Variants in GALNT12 observed in about 807,000 individuals in gnomAD.
The protein encoded by GALNT12 is polypeptide N-acetylgalactosaminyltransferase 12.
A neutral mutation model predicts 55.5 loss-of-function variants in GALNT12; 45 were observed. That is an observed-to-expected ratio of 0.81 (90% CI 0.64 to 1.04). The LOEUF (loss-of-function observed/expected upper bound fraction) is 1.04, where lower values mean the gene tolerates loss of function less well. Ranked by LOEUF, GALNT12 falls within the 50% of genes least tolerant of loss-of-function variation. GALNT12 has a pLI of 0.00. For synonymous variants in GALNT12, 304 were observed against 312.2 expected, an observed-to-expected ratio of 0.97 and a Z score of 0.28; for missense variants, 709 against 754.8, an observed-to-expected ratio of 0.94 and a Z score of 0.71.
intron 2 of GALNT12, among the ~76,000 whole-genome samples, chr9:98,825,650 A>G (rs964250963): frequency 3.3e-5 from 5 of 152,358 alleles, no homozygotes; most frequent in African/African-American, 1.2e-4. Flanking sequence ...TATTCCTGCC[A>G]TCAACTTATT....
chr9:98,813,616 G>C (rs1835544347), intron 1 of GALNT12, among the ~76,000 whole-genome samples: 2 of 151,828 alleles, frequency 1.3e-5, no homozygotes, highest in Admixed American at 6.6e-5. Flanking sequence ...TTCTGCCTCA[G>C]CTTCTCCCTA....
chr9:98,832,715 G>A (rs1836031320), intron 4 of GALNT12, among the ~76,000 whole-genome samples: 1 of 152,108 alleles, frequency 6.6e-6, no homozygotes, highest in Non-Finnish European at 1.5e-5. Context: ...GGCGCCCCAT[G>A]TGAGTGGAAT....
chr9:98,831,802 C>T lies in GALNT12; in HGVS notation c.762C>T (p.Cys254=), dbSNP rs1588449831. 3 of 1,614,034 alleles carry T rather than the reference C, an allele frequency of 1.9e-6. No homozygotes were observed. The highest frequency in any genetic ancestry group is 4.5e-5 in the East Asian group (2 of 44,894). The change falls in exon 4 of 10, where the codon TGC becomes TGT. Residue 254 remains cysteine, a synonymous_variant. Transcript: ENST00000375011. ...RIHEEESAVV[C]PVIDVIDWNT... is the part of the protein sequence containing the mutation. ...ATGAAGAGGAGTCGGCAGTGGTGTG[C>T]CCGGTGATTGATGTGATCGACTGGA... is the stretch of plus-strand genomic sequence containing the variant.
rs943974125 is a variant in GALNT12, at chr9:98,849,546, G to A, written c.*454G>A. 8 of 463,656 alleles carry A rather than the reference G, an allele frequency of 1.7e-5. No homozygotes were observed. The highest frequency in any genetic ancestry group is 7.6e-5 in the Admixed American group (2 of 26,382). The allele number at this position is 463,656 out of a possible 1,614,324, so 28.7% of individuals were successfully genotyped here. The stretch of plus-strand genomic sequence containing the variant: ...CATTAACTGATAATACCTCAGCTGC[G>A]GGGTTAAAGTTTTCCCAGTATAGAG... On this transcript the variant is annotated 3_prime_UTR_variant, in exon 10 of 10. Coordinates refer to ENST00000375011, the MANE Select transcript of GALNT12 (RefSeq NM_024642.5).
At chr9:98,838,125 G>C (rs1280037481) in intron 6 of GALNT12, among the ~76,000 whole-genome samples, 1 of 152,154 alleles carries the variant, frequency 6.6e-6, no homozygotes, top group Non-Finnish European at 1.5e-5. Flanking sequence ...CGCCTTATTA[G>C]TTAGGGGTCT....
chr9:98,849,122 G>A lies in GALNT12; in HGVS notation c.*30G>A. 1 of 1,613,138 alleles carries A rather than the reference G, an allele frequency of 6.2e-7. No individual in the cohort carries two copies. Among genetic ancestry groups the A allele is most frequent in the South Asian group, 1.1e-5 (1 of 91,048 alleles). The stretch of plus-strand genomic sequence containing the variant: ...TCGTGTATCAAGGAGCCCATCGAAG[G>A]AGACTGTGGAGCCAGGACTCTGCCC... On this transcript the variant is annotated 3_prime_UTR_variant, in exon 10 of 10. Transcript: ENST00000375011.
intron 1 of GALNT12, among the ~76,000 whole-genome samples, chr9:98,813,875 T>C (rs1370368118): frequency 6.6e-6 from 1 of 152,182 alleles, no homozygotes; most frequent in Non-Finnish European, 1.5e-5. Flanking sequence ...CTAGACATCT[T>C]AGTCTTCCAT....
intron 1 of GALNT12, among the ~76,000 whole-genome samples, chr9:98,813,431 GT>G (rs1160396981): frequency 6.6e-6 from 1 of 151,668 alleles, no homozygotes; most frequent in African/African-American, 2.4e-5. Context: ...CTAGATTAGT[GT>G]TTTCTTGTTG....
chr9:98,807,932 G>A lies in GALNT12; in HGVS notation c.234G>A (p.Arg78=). 14 of 1,333,252 alleles carry A rather than the reference G, an allele frequency of 1.1e-5. No individual in the cohort carries two copies. The highest frequency in any genetic ancestry group is 1.4e-5 in the Non-Finnish European group (14 of 1,031,136). The allele number at this position is 1,333,252 out of a possible 1,614,324, so 82.6% of individuals were successfully genotyped here. Residue 78 remains arginine, a synonymous_variant, in exon 1 of 10, where the codon CGG becomes CGA. Coordinates refer to ENST00000375011, the MANE Select transcript of GALNT12 (RefSeq NM_024642.5). ...TGCCGGCGAACGCGCTGGGCGCGCG[G>A]GGCGAGGCGGTGCGGCTGCAGCTGC... is the stretch of plus-strand genomic sequence containing the variant. ...PPVPANALGA[R]GEAVRLQLQG...
At chr9:98,835,153 A>G (rs1261333911) in intron 4 of GALNT12, 96 bp from the exon 5 acceptor site, 1 of 871,322 alleles carries the variant, frequency 1.1e-6, no homozygotes, top group Admixed American at 1.7e-5. Flanking sequence ...GAGATGACAG[A>G]TGAACAGATG....
chr9:98,843,574 G>A (rs1300879099), intron 7 of GALNT12, among the ~76,000 whole-genome samples: 1 of 151,944 alleles, frequency 6.6e-6, no homozygotes, highest in African/African-American at 2.4e-5. Context: ...ACCTGGCTAA[G>A]TTTTGTATTT....
intron 3 of GALNT12, among the ~76,000 whole-genome samples, chr9:98,827,305 C>T (rs1835880437): frequency 6.7e-6 from 1 of 149,692 alleles, no homozygotes; most frequent in African/African-American, 2.5e-5. Flanking sequence ...GATTCTCCTC[C>T]TCACTCCTCC....
At chr9:98,833,179 C>T (rs1469741066) in intron 4 of GALNT12, among the ~76,000 whole-genome samples, 2 of 152,084 alleles carry the variant, frequency 1.3e-5, no homozygotes, top group Non-Finnish European at 2.9e-5. Context: ...CTTCTTCCTC[C>T]CCTTCCAAGT....
Position 98,844,106 on chromosome 9 carries a change from A to G in GALNT12, c.1355A>G (p.Lys452Arg). 6.2e-7 allele frequency: 1 copy of G among 1,611,242 alleles called. No individual in the cohort carries two copies. The highest frequency in any genetic ancestry group is 8.5e-7 in the Non-Finnish European group (1 of 1,177,398). Residue 452 changes from lysine (K) to arginine (R), a missense_variant, in exon 8 of 10, where the codon AAA (lysine) becomes AGA (arginine). Lys to Arg is a conservative substitution (Grantham distance 26). Coordinates refer to ENST00000375011, the MANE Select transcript of GALNT12 (RefSeq NM_024642.5). ...RPGFFGMLQN[K>R]GLTDYCFDYN... ...TTATGTTTTATTTAGCTCCAGAACA[A>G]AGGACTAACAGACTACTGCTTTGAC...
At chr9:98,809,815 A>C (rs1312164087) in intron 1 of GALNT12, among the ~76,000 whole-genome samples, 2 of 152,130 alleles carry the variant, frequency 1.3e-5, no homozygotes, top group Non-Finnish European at 2.9e-5. Flanking sequence ...ATCTCTTTGA[A>C]ACACTGTGGA....
Position 98,835,340 on chromosome 9 carries a change from G to T in GALNT12, c.1009G>T (p.Gly337Ter). The T allele has an allele frequency of 1.2e-6, 2 of 1,610,088 alleles. No homozygotes were observed. Among genetic ancestry groups the T allele is most frequent in the South Asian group, 1.1e-5 (1 of 91,002 alleles). The change falls in exon 5 of 10, where the codon GGA (glycine) becomes TGA (stop). Residue 337 changes from glycine (G) to a stop codon, truncating the protein, a stop_gained. Transcript: ENST00000375011. LOFTEE classifies it high-confidence loss of function. ...TGATACAGGAATGGAAGTTTGGGGA[G>T]GAGAAAACCTCGAATTTTCCTTTAG... ...SYDTGMEVWGGENLEFSFRIW... is the reference protein window; with the variant it reads ...SYDTGMEVWG
intron 7 of GALNT12, 60 bp downstream of exon 7, chr9:98,840,193 T>G (rs1836253826): frequency 6.2e-7 from 1 of 1,606,236 alleles, no homozygotes; most frequent in African/African-American, 1.3e-5. Context: ...GGGTCTGCTC[T>G]GCAAATCCTG....
At chr9:98,846,456 G>A (rs1470144488) in intron 9 of GALNT12, among the ~76,000 whole-genome samples, 4 of 152,136 alleles carry the variant, frequency 2.6e-5, no homozygotes. Context: ...GAGATGAAAG[G>A]GCTTTAAATG....
intron 1 of GALNT12, among the ~76,000 whole-genome samples, chr9:98,814,652 G>T (rs1417133094): frequency 6.6e-6 from 1 of 151,460 alleles, no homozygotes; most frequent in African/African-American, 2.4e-5. Context: ...AGAGGTGGCA[G>T]TGAGCCAAGA....
Sources: allele counts gnomAD v4.1 joint callset (sites outside exome capture counted in the v4.1 genomes callset), GRCh38; gene constraint gnomAD v4.1.1; transcripts MANE v1.5; gene names NCBI Gene and HGNC (gene_info 2026-07-23, HGNC 2026-07-21).